The following IFT56 variants were observed in gnomAD, a reference collection of about 807,000 sequenced individuals.
IFT56 encodes the protein intraflagellar transport 56.
chr7:139,148,354 C>T, the IFT56 span: 2 of 1,612,036 alleles, frequency 1.2e-6, no homozygotes, highest in South Asian at 1.1e-5. Flanking sequence ...CCATTTTCGC[C>T]TTTACAATGG....
chr7:139,176,969 C>T, the IFT56 span, among the ~76,000 whole-genome samples: 20,413 of 151,644 alleles, frequency 0.13, 2,663 homozygotes, highest in African/African-American at 0.29. Context: ...GTCAGGAGAT[C>T]GAGACCAGTC....
the IFT56 span, among the ~76,000 whole-genome samples, chr7:139,164,861 G>T: frequency 1.3e-5 from 2 of 152,058 alleles, no homozygotes; most frequent in African/African-American, 4.8e-5. Context: ...TTTACATAGG[G>T]TTAAAAATAA....
the IFT56 span, among the ~76,000 whole-genome samples, chr7:139,136,312 T>C: frequency 6.6e-6 from 1 of 152,016 alleles, no homozygotes; most frequent in Non-Finnish European, 1.5e-5. Context: ...AGTGGGGGAG[T>C]TGGCATGGAA....
chr7:139,180,484 C>G, the IFT56 span, among the ~76,000 whole-genome samples: 1 of 152,112 alleles, frequency 6.6e-6, no homozygotes, highest in East Asian at 1.9e-4. Context: ...TTGAGGCAGG[C>G]AAATCACTTG....
chr7:139,139,063 C>T, the IFT56 span, among the ~76,000 whole-genome samples: 8 of 152,168 alleles, frequency 5.3e-5, no homozygotes, highest in African/African-American at 1.9e-4. Flanking sequence ...CCGCCCGCCT[C>T]GGCCTCCCAA....
chr7:139,180,633 T>G, the IFT56 span, among the ~76,000 whole-genome samples: 7 of 150,492 alleles, frequency 4.7e-5, no homozygotes, highest in African/African-American at 1.7e-4. Flanking sequence ...TCACTTAACC[T>G]GGGAGGCAGA....
the IFT56 span, chr7:139,134,547 C>T: frequency 1.6e-6 from 2 of 1,266,618 alleles, no homozygotes; most frequent in Non-Finnish European, 2.1e-6. Flanking sequence ...GGATTACAGG[C>T]ATGAGCCACT....
At chr7:139,155,809 G>A in the IFT56 span, among the ~76,000 whole-genome samples, 8 of 152,068 alleles carry the variant, frequency 5.3e-5, no homozygotes, top group East Asian at 5.8e-4. Flanking sequence ...GAAAAGTTCC[G>A]TCTTCTGTGT....
At chr7:139,170,653 C>G in the IFT56 span, among the ~76,000 whole-genome samples, 1 of 152,100 alleles carries the variant, frequency 6.6e-6, no homozygotes, top group Non-Finnish European at 1.5e-5. Context: ...ATTCAACATC[C>G]CTTTATGATA....
the IFT56 span, chr7:139,137,847 T>C: frequency 6.2e-7 from 1 of 1,612,232 alleles, no homozygotes; most frequent in South Asian, 1.1e-5. Context: ...TAACCTGAAG[T>C]TCAAACGTCA....
chr7:139,157,139 C>CTTTTTTTTTTTTTTTTTTTTTTT, the IFT56 span, among the ~76,000 whole-genome samples: 5 of 82,146 alleles, frequency 6.1e-5, no homozygotes, highest in Non-Finnish European at 9.9e-5. Flanking sequence ...TCTTTAATTT[C>CTTTTTTTTTTTTTTTTTTTTTTT]TTTTTTTTTT....
At chr7:139,163,759 G>C in the IFT56 span, among the ~76,000 whole-genome samples, 1 of 152,086 alleles carries the variant, frequency 6.6e-6, no homozygotes, top group Admixed American at 6.5e-5. Flanking sequence ...GGAGAAAAGA[G>C]GTTCAGATGG....
chr7:139,164,918 G>A, the IFT56 span, among the ~76,000 whole-genome samples: 1 of 152,046 alleles, frequency 6.6e-6, no homozygotes, highest in Non-Finnish European at 1.5e-5. Context: ...AAAGCAGAGA[G>A]GAGAGAAAAG....
chr7:139,152,974 C>T, the IFT56 span, among the ~76,000 whole-genome samples: 1 of 151,942 alleles, frequency 6.6e-6, no homozygotes, highest in African/African-American at 2.4e-5. Flanking sequence ...CACAGTGAAA[C>T]CCCGACTCTA....
At chr7:139,165,240 A>G in the IFT56 span, 1 of 1,605,696 alleles carries the variant, frequency 6.2e-7, no homozygotes, top group South Asian at 1.1e-5. Context: ...TCAAGGTAAG[A>G]AAAATTTGTC....
the IFT56 span, among the ~76,000 whole-genome samples, chr7:139,175,714 G>A: frequency 1.8e-4 from 28 of 152,134 alleles, no homozygotes; most frequent in African/African-American, 5.5e-4. Flanking sequence ...ATGGAGATAG[G>A]GAGTAGAATG....
At chr7:139,189,305 C>G in the IFT56 span, 1 of 1,552,228 alleles carries the variant, frequency 6.4e-7, no homozygotes, top group Non-Finnish European at 8.8e-7. Flanking sequence ...TTTGTCTTTT[C>G]AAATCTTTTC....
the IFT56 span, chr7:139,133,898 G>T: frequency 6.2e-7 from 1 of 1,613,888 alleles, no homozygotes; most frequent in Non-Finnish European, 8.5e-7. Flanking sequence ...ACTTTGAGTA[G>T]GTCCTGAGGC....
At chr7:139,163,070 T>C in the IFT56 span, among the ~76,000 whole-genome samples, 8 of 147,164 alleles carry the variant, frequency 5.4e-5, no homozygotes, top group African/African-American at 2.0e-4. Flanking sequence ...ATAGGCCGGG[T>C]GCGGTGACTC....
Sources: gnomAD v4.1 joint callset for allele counts (sites outside exome capture counted in the v4.1 genomes callset) on GRCh38, gnomAD v4.1.1 for gene constraint, MANE v1.5 for transcripts, NCBI Gene and HGNC (gene_info 2026-07-23, HGNC 2026-07-21) for gene names.